Variants in DGKG observed in about 807,000 individuals in gnomAD.
DGKG encodes the protein diacylglycerol kinase gamma, also known as DAG kinase gamma.
In DGKG, 78 loss-of-function variants were observed where a neutral mutation model predicts 105.3. The ratio of observed to expected loss-of-function variants is 0.74; its 90% CI spans 0.62 to 0.89. The LOEUF is 0.89. Among genes scored for constraint, DGKG ranks in the 40% least tolerant of loss-of-function variants. The pLI is 0.00. For missense variants in DGKG, 958 were observed against 1,020.1 expected, an observed-to-expected ratio of 0.94 and a Z score of 0.83; for synonymous variants, 346 against 367.1, an observed-to-expected ratio of 0.94 and a Z score of 0.66.
chr3:186,310,936 G>A (rs996939164), intron 2 of DGKG, among the ~76,000 whole-genome samples: 2 of 100,948 alleles, frequency 2.0e-5, no homozygotes, highest in African/African-American at 4.4e-5. Context: ...TGGAATTTAA[G>A]TGATTCTTTC....
chr3:186,174,934 G>A (rs1375627627), intron 22 of DGKG, among the ~76,000 whole-genome samples: 1 of 152,174 alleles, frequency 6.6e-6, no homozygotes, highest in Non-Finnish European at 1.5e-5. Context: ...AGTGGCCTTT[G>A]AGTCTGGATA....
chr3:186,280,689 TCCC>T lies in DGKG; in HGVS notation c.647_649del (p.Trp216_Asp217delinsTyr). 6.2e-7 allele frequency: 1 copy of T among 1,614,068 alleles called. No individual in the cohort carries two copies. Among genetic ancestry groups the T allele is most frequent in the South Asian group, 1.1e-5 (1 of 91,084 alleles). ...ACTCACAGGCCTCAGCTCTGTGGGA[TCCC>T]ACTCCAGGTACTGGGCAATATGCAG... On this transcript the variant is annotated inframe_deletion, in exon 8 of 25. Coordinates refer to ENST00000265022, the MANE Select transcript of DGKG (RefSeq NM_001346.3).
At chr3:186,184,178 A>T (rs1325529482) in intron 22 of DGKG, among the ~76,000 whole-genome samples, 1 of 151,720 alleles carries the variant, frequency 6.6e-6, no homozygotes, top group Non-Finnish European at 1.5e-5. Context: ...CACATCCATC[A>T]TCTTCCTAAT....
rs569393575 is a variant in DGKG at position 186,273,778 on chromosome 3, C to T, written c.911-1435G>A. Among the ~76,000 whole-genome samples the T allele has an allele frequency of 3.9e-5, 6 of 152,310 alleles. No homozygotes were observed. The South Asian group carries it at 1.0e-3, about 26-fold the overall frequency. ...GAGGTCACTTGCTGCCTAATTCACA[C>T]GTGCATGTTGGATAAAGCACTTCAG... On this transcript the variant is annotated intron_variant, in intron 10 of 24. Coordinates refer to ENST00000265022, the MANE Select transcript of DGKG (RefSeq NM_001346.3).
intron 1 of DGKG, among the ~76,000 whole-genome samples, chr3:186,348,451 CTTTTT>C (rs1159516433): frequency 2.0e-5 from 1 of 50,700 alleles, no homozygotes; most frequent in African/African-American, 7.2e-5. Flanking sequence ...GGCTCATAAT[CTTTTT>C]TTTTTTTTTT....
intron 8 of DGKG, 86 bp downstream of exon 8, chr3:186,280,584 G>A (rs1425642020): frequency 4.6e-6 from 5 of 1,084,226 alleles, no homozygotes; most frequent in Non-Finnish European, 7.0e-6. Flanking sequence ...GCACCTGCAG[G>A]GTTAACACTC....
At chr3:186,265,905 C>T (rs1020433509) in intron 13 of DGKG, among the ~76,000 whole-genome samples, 7 of 152,014 alleles carry the variant, frequency 4.6e-5, no homozygotes, top group South Asian at 2.1e-4. Flanking sequence ...CCCTTGACCT[C>T]GTGATCCGCT....
intron 1 of DGKG, among the ~76,000 whole-genome samples, chr3:186,349,180 T>C (rs1231503444): frequency 1.3e-5 from 2 of 152,146 alleles, no homozygotes; most frequent in Non-Finnish European, 2.9e-5. Flanking sequence ...TAAGCAATCC[T>C]CCTGCCTCAG....
At chr3:186,153,857 C>T (rs1224024364) in intron 24 of DGKG, among the ~76,000 whole-genome samples, 1 of 152,202 alleles carries the variant, frequency 6.6e-6, no homozygotes, top group Non-Finnish European at 1.5e-5. Flanking sequence ...GTAATCCCAG[C>T]ACTTTGAGAA....
intron 7 of DGKG, among the ~76,000 whole-genome samples, chr3:186,283,758 G>C (rs1297360559): frequency 1.3e-5 from 2 of 152,206 alleles, no homozygotes; most frequent in Non-Finnish European, 2.9e-5. Flanking sequence ...TGATTCTCTG[G>C]ATGTTTCCTC....
chr3:186,298,610 G>T (rs1327849280), intron 3 of DGKG, among the ~76,000 whole-genome samples: 2 of 152,236 alleles, frequency 1.3e-5, no homozygotes, highest in Non-Finnish European at 2.9e-5. Context: ...CTGTGTGAGG[G>T]ATGTGGCTCT....
chr3:186,309,804 A>G lies in DGKG; in HGVS notation c.68-2827T>C, dbSNP rs561313730. On this transcript the variant is annotated intron_variant, in intron 2 of 24. Coordinates refer to ENST00000265022, the MANE Select transcript of DGKG (RefSeq NM_001346.3). ...ACTGTAGCAGAATTCCTTTGATTCT[A>G]AAGAGCTGCTGCTCTATTTTAAAAA... is the stretch of plus-strand genomic sequence containing the variant. Among the ~76,000 whole-genome samples the G allele has an allele frequency of 1.2e-4, 19 of 152,342 alleles. No individual in the cohort carries two copies. In the East Asian group the frequency reaches 3.5e-3, roughly 28 times the overall value.
At chr3:186,312,397 T>C (rs1724597834) in intron 2 of DGKG, among the ~76,000 whole-genome samples, 1 of 152,142 alleles carries the variant, frequency 6.6e-6, no homozygotes. Context: ...CCTGAGATTC[T>C]ACATTCTGAA....
In DGKG at chr3:186,269,008, C is replaced by T. The variant is rs928052189; in HGVS notation, c.1000-91G>A. 93 of 865,426 alleles carry T rather than the reference C, an allele frequency of 1.1e-4. No homozygotes were observed. The African/African-American group carries it at 1.3e-3, about 12-fold the overall frequency. 53.6% of individuals were successfully genotyped at this position (865,426 alleles called of 1,614,324 possible). ...GAGGAGAAGGATCTGGGAGGGGACG[C>T]GGGGGAGCCAGAGGGACTGTTTCCT... On this transcript the variant is annotated intron_variant, in intron 11 of 24. Transcript: ENST00000265022.
rs1233882703 is a variant in DGKG at position 186,265,269 on chromosome 3, G to T, written c.1247C>A (p.Ala416Asp). The T allele has an allele frequency of 6.2e-7, 1 of 1,614,244 alleles. No individual in the cohort carries two copies. Among genetic ancestry groups the T allele is most frequent in the South Asian group, 1.1e-5 (1 of 91,086 alleles). The change falls in exon 14 of 25, where the codon GCC (alanine) becomes GAC (aspartate). Residue 416 changes from alanine to aspartate, a missense_variant. Ala to Asp is a moderately radical substitution (Grantham distance 126, BLOSUM62 -2). This residue lies in a region of DGKG where 643 missense variants were observed against 619.5 expected (regional missense o/e 1.04). Transcript: ENST00000265022. Reference sequence around the variant, plus strand: ...TACCTGCATGACAAGTTCGCCCTTGGCGGACACGCAGCCATCAGACTTCTC... The same window carrying T: ...TACCTGCATGACAAGTTCGCCCTTGTCGGACACGCAGCCATCAGACTTCTC... ...PGEKSDGCVSAKGELVMQYKI... is the reference protein window; with the variant it reads ...PGEKSDGCVSDKGELVMQYKI...
intron 5 of DGKG, among the ~76,000 whole-genome samples, chr3:186,291,276 A>G (rs1255379444): frequency 1.3e-5 from 2 of 152,220 alleles, no homozygotes; most frequent in African/African-American, 2.4e-5. Context: ...ACAGACAATG[A>G]CATGATAAGA....
At chr3:186,291,280 G>T (rs1008266819) in intron 5 of DGKG, among the ~76,000 whole-genome samples, 2 of 152,154 alleles carry the variant, frequency 1.3e-5, no homozygotes, top group African/African-American at 4.8e-5. Flanking sequence ...ACAATGACAT[G>T]ATAAGACATG....
chr3:186,208,231 G>C (rs371178331), intron 21 of DGKG, among the ~76,000 whole-genome samples: 1 of 151,850 alleles, frequency 6.6e-6, no homozygotes, highest in East Asian at 1.9e-4. Context: ...TAGTAGAGAC[G>C]GGGTTCCACC....
chr3:186,263,364 C>T (rs1367766567), intron 14 of DGKG, among the ~76,000 whole-genome samples: 7 of 151,970 alleles, frequency 4.6e-5, no homozygotes, highest in East Asian at 1.9e-4. Context: ...GTCAGGAGTT[C>T]GAGACCAGCC....
Sources: allele counts gnomAD v4.1 joint callset (sites outside exome capture counted in the v4.1 genomes callset), GRCh38; gene constraint gnomAD v4.1.1; regional missense constraint gnomAD v4.1.1; transcripts MANE v1.5; gene names NCBI Gene and HGNC (gene_info 2026-07-23, HGNC 2026-07-21).